The following NCS1 variants were observed in gnomAD, a reference collection of about 807,000 sequenced individuals.
The protein encoded by NCS1 is neuronal calcium sensor 1.
NCS1 carries 6 observed loss-of-function variants against 28.4 expected under a neutral mutation model. The ratio of observed to expected loss-of-function variants is 0.21; its 90% CI spans 0.12 to 0.42. The LOEUF is 0.42. Ranked by LOEUF, NCS1 falls within the 10% of genes least tolerant of loss-of-function variation. NCS1 has a pLI of 1.00. For synonymous variants in NCS1, 86 were observed against 99.3 expected (o/e 0.87, Z 0.79); for missense variants, 131 against 241.4 (o/e 0.54, Z 3.03).
At chr9:130,201,889 T>G (rs888813725) in intron 2 of NCS1, among the ~76,000 whole-genome samples, 48 of 152,232 alleles carry the variant, frequency 3.2e-4, no homozygotes, top group African/African-American at 1.2e-3. Flanking sequence ...AGAAACACCC[T>G]CCTTCTAGAT....
In NCS1 at chr9:130,226,531, G is replaced by T. The variant is rs1339941221; in HGVS notation, c.*17+27G>T. 6.4e-7 allele frequency: 1 copy of T among 1,562,566 alleles called. No individual in the cohort carries two copies. On this transcript the variant is annotated intron_variant, in intron 7 of 7. Transcript: ENST00000372398. The surrounding 1 kb of genome is among the most constrained non-coding windows in gnomAD (Gnocchi z 4.8). ...TGAGTGCAGACTCGGGGCCTGGGGT[G>T]GGTCTGGGATGGGTCAGGGGTGAAA...
At position 130,226,284 on chromosome 9, in the gene NCS1, C is replaced by T; in HGVS notation, c.475-105C>T. On this transcript the variant is annotated intron_variant, in intron 6 of 7. Coordinates refer to ENST00000372398, the MANE Select transcript of NCS1 (RefSeq NM_014286.4). This position sits in a 1 kb window ranked among gnomAD's most constrained non-coding sequence, Gnocchi z 4.8. ...GGCCCTGAGCCACGTTGCCTCCCTCCTGATCTAACCTTGGAAGGGCTCTTG... is the reference window on the plus strand; with the variant it reads ...GGCCCTGAGCCACGTTGCCTCCCTCTTGATCTAACCTTGGAAGGGCTCTTG... The T allele has an allele frequency of 3.1e-6, 3 of 959,074 alleles. No individual in the cohort carries two copies. Among genetic ancestry groups the T allele is most frequent in the Non-Finnish European group, 4.9e-6 (3 of 612,026 alleles). 59.4% of individuals were successfully genotyped at this position (959,074 alleles called of 1,614,324 possible).
chr9:130,200,977 G>C lies in NCS1; in HGVS notation c.84G>C (p.Gln28His), dbSNP rs1797807226. ...TTGCAGTTACCGAGAAGGAGGTCCA[G>C]CAGTGGTGAGTAGCTGCTTTTTCTC... ...RKTYFTEKEV[Q>H]QWYKGFIKDC... Residue 28 changes from glutamine to histidine, a missense_variant, in exon 2 of 8, where the codon CAG becomes CAC. Coordinates refer to ENST00000372398, the MANE Select transcript of NCS1 (RefSeq NM_014286.4). The C allele has an allele frequency of 1.9e-6, 3 of 1,614,242 alleles. No individual in the cohort carries two copies. The highest frequency in any genetic ancestry group is 2.5e-6 in the Non-Finnish European group (3 of 1,180,048).
At chr9:130,178,589 G>A (rs1832608012) in intron 1 of NCS1, among the ~76,000 whole-genome samples, 1 of 152,200 alleles carries the variant, frequency 6.6e-6, no homozygotes, top group Non-Finnish European at 1.5e-5. Context: ...CCTCTGAGAG[G>A]CCACAGGAAG....
chr9:130,190,064 G>GAGAGAGAGAGA (rs1832798350), intron 1 of NCS1, among the ~76,000 whole-genome samples: 1 of 147,382 alleles, frequency 6.8e-6, no homozygotes, highest in South Asian at 2.1e-4. Context: ...GAGAGAGAGA[G>GAGAGAGAGAGA]AATATATGTG....
chr9:130,172,684 G>C lies in NCS1; in HGVS notation c.21G>C (p.Lys7Asn). 6.6e-7 allele frequency: 1 copy of C among 1,509,866 alleles called. No individual in the cohort carries two copies. The highest frequency in any genetic ancestry group is 8.9e-7 in the Non-Finnish European group (1 of 1,123,510). The allele number at this position is 1,509,866 out of a possible 1,614,324, so 93.5% of individuals were successfully genotyped here. MGKSNS[K>N]LKPEVVEELT... Reference sequence around the variant, plus strand: ...CGAGGATGGGGAAATCCAACAGCAAGTTGAAGCCCGAAGTTGTGGAGGAGC... The same window carrying C: ...CGAGGATGGGGAAATCCAACAGCAACTTGAAGCCCGAAGTTGTGGAGGAGC... Residue 7 changes from lysine to asparagine, a missense_variant, in exon 1 of 8, where the codon AAG (lysine) becomes AAC (asparagine). Around this residue, in one of 2 missense-constraint regions of NCS1, gnomAD observed 31 missense variants for 31.1 expected, o/e 1.00. Coordinates refer to ENST00000372398, the MANE Select transcript of NCS1 (RefSeq NM_014286.4).
chr9:130,219,943 A>G lies in NCS1; in HGVS notation c.307+140A>G. 1.1e-6 allele frequency: 1 copy of G among 939,942 alleles called. No homozygotes were observed. The highest frequency in any genetic ancestry group is 1.7e-6 in the Non-Finnish European group (1 of 597,820). The allele number at this position is 939,942 out of a possible 1,614,324, so 58.2% of individuals were successfully genotyped here. ...GATGGCGTCCCAGCTGTGTCTGCAG[A>G]GGGCAGGCCTGGGCCCTGGGCAGGT... is the stretch of plus-strand genomic sequence containing the variant. On this transcript the variant is annotated intron_variant, in intron 4 of 7. Transcript: ENST00000372398. The surrounding 1 kb of genome is among the most constrained non-coding windows in gnomAD (Gnocchi z 5.7).
rs957804293 is a variant in NCS1, at chr9:130,223,271, C to T, written c.474+112C>T. On this transcript the variant is annotated intron_variant, in intron 6 of 7. Transcript: ENST00000372398. ...TTTGCTGCCAACCTCCTCCATGGCTCACGGCAGGCGGCACGGTGTCCTATC... is the reference window on the plus strand; with the variant it reads ...TTTGCTGCCAACCTCCTCCATGGCTTACGGCAGGCGGCACGGTGTCCTATC... 57 of 951,544 alleles carry T rather than the reference C, an allele frequency of 6.0e-5. No individual in the cohort carries two copies. The African/African-American group carries it at 7.9e-4, about 13-fold the overall frequency. 58.9% of individuals were successfully genotyped at this position (951,544 alleles called of 1,614,324 possible).
chr9:130,217,916 C>T lies in NCS1; in HGVS notation c.174C>T (p.Phe58=), dbSNP rs148178859. The T allele has an allele frequency of 2.1e-5, 34 of 1,614,070 alleles. No individual in the cohort carries two copies. Among genetic ancestry groups the T allele is most frequent in the Non-Finnish European group, 2.6e-5 (31 of 1,180,034 alleles). ...FQKIYKQFFP[F]GDPTKFATFV... The stretch of plus-strand genomic sequence containing the variant: ...AGATCTACAAGCAATTCTTCCCGTT[C>T]GGAGACCCCACCAAGTTTGCCACAT... Residue 58 remains phenylalanine (F), a synonymous_variant, in exon 3 of 8, where the codon TTC becomes TTT. Transcript: ENST00000372398.
At position 130,181,346 on chromosome 9, in the gene NCS1, C is replaced by T. The variant is rs1832651177; in HGVS notation, c.64+8619C>T. 6.6e-6 allele frequency among the ~76,000 whole-genome samples: 1 copy of T among 152,154 alleles called. No individual in the cohort carries two copies. The highest frequency in any genetic ancestry group is 1.5e-5 in the Non-Finnish European group (1 of 68,032). On this transcript the variant is annotated intron_variant, in intron 1 of 7. Coordinates refer to ENST00000372398, the MANE Select transcript of NCS1 (RefSeq NM_014286.4). The surrounding 1 kb of genome is among the most constrained non-coding windows in gnomAD (Gnocchi z 5.0). ...GAACTTGGCGGCTCATCTCGGCCCT[C>T]CTTTTGCTCCTGGTGGTGGTGGAGG... is the stretch of plus-strand genomic sequence containing the variant.
rs740917 is a variant in NCS1, at chr9:130,192,323, G to A, written c.65-8635G>A. Among the ~76,000 whole-genome samples the A allele has an allele frequency of 0.47, 71,567 of 151,926 alleles. 18,908 individuals are homozygous for A. The highest frequency in any genetic ancestry group is 0.85 in the East Asian group (4,361 of 5,140). On this transcript the variant is annotated intron_variant, in intron 1 of 7. Coordinates refer to ENST00000372398, the MANE Select transcript of NCS1 (RefSeq NM_014286.4). This position sits in a 1 kb window ranked among gnomAD's most constrained non-coding sequence, Gnocchi z 4.8. ...ACTCCATTTTAGAGAAGAGGCTGCC[G>A]CCCTTGTCCAAGGTCGAGGGTTAAT...
At chr9:130,221,399 TATATATATATATATAGAG>T (rs1303275637) in intron 4 of NCS1, among the ~76,000 whole-genome samples, 841 of 49,864 alleles carry the variant, frequency 0.017, 5 homozygotes, top group African/African-American at 0.049. Flanking sequence ...TATATATATA[TATATATATATATATAGAG>T]AGAGAGAGAG....
At chr9:130,176,205 T>G in intron 1 of NCS1, among the ~76,000 whole-genome samples, 2 of 143,502 alleles carry the variant, frequency 1.4e-5, no homozygotes, top group Non-Finnish European at 1.5e-5. Context: ...TTTTTTTTTT[T>G]TTTTGGAGAC....
At chr9:130,172,838 C>T in intron 1 of NCS1, 111 bp downstream of exon 1, 1 of 490,328 alleles carries the variant, frequency 2.0e-6, no homozygotes, top group East Asian at 4.7e-5. Flanking sequence ...CGCCTCCGCT[C>T]CGTCCTCCCC....
intron 1 of NCS1, among the ~76,000 whole-genome samples, chr9:130,187,903 G>A (rs1554905812): frequency 1.3e-5 from 2 of 152,202 alleles, no homozygotes; most frequent in Non-Finnish European, 1.5e-5. Context: ...ACAGCTTTGT[G>A]TCTCCCACCC....
chr9:130,204,085 C>T (rs955499747), intron 2 of NCS1, among the ~76,000 whole-genome samples: 8 of 152,064 alleles, frequency 5.3e-5, no homozygotes, highest in East Asian at 3.9e-4. Flanking sequence ...CTCTGCCTCC[C>T]GGGTTCATGC....
intron 1 of NCS1, among the ~76,000 whole-genome samples, chr9:130,189,274 T>A (rs553453254): frequency 6.6e-6 from 1 of 152,336 alleles, no homozygotes; most frequent in South Asian, 2.1e-4. Context: ...TATTCCCATT[T>A]TACAGCTAAG....
Position 130,192,349 on chromosome 9 carries a change from G to C in NCS1, c.65-8609G>C, listed in dbSNP as rs949577320. ...CCCTTGTCCAAGGTCGAGGGTTAAT[G>C]AGTCTGGGGCCCGGCCACGTTGTCT... is the stretch of plus-strand genomic sequence containing the variant. On this transcript the variant is annotated intron_variant, in intron 1 of 7. Coordinates refer to ENST00000372398, the MANE Select transcript of NCS1 (RefSeq NM_014286.4). This position sits in a 1 kb window ranked among gnomAD's most constrained non-coding sequence, Gnocchi z 4.8. Among the ~76,000 whole-genome samples the C allele has an allele frequency of 1.1e-4, 16 of 152,250 alleles. No homozygotes were observed. The highest frequency in any genetic ancestry group is 3.6e-4 in the African/African-American group (15 of 41,560).
chr9:130,196,701 G>A (rs1832882427), intron 1 of NCS1, among the ~76,000 whole-genome samples: 1 of 152,022 alleles, frequency 6.6e-6, no homozygotes, highest in African/African-American at 2.4e-5. Flanking sequence ...ATCAACCATT[G>A]CACTCTAGCC....
Sources: allele counts gnomAD v4.1 joint callset (sites outside exome capture counted in the v4.1 genomes callset), GRCh38; gene constraint gnomAD v4.1.1; regional missense constraint gnomAD v4.1.1; non-coding constraint Gnocchi (gnomAD v3.1); transcripts MANE v1.5; gene names NCBI Gene and HGNC (gene_info 2026-07-23, HGNC 2026-07-21).